The following ABCB1 variants were observed in gnomAD, a reference collection of about 807,000 sequenced individuals.
The protein encoded by ABCB1 is ATP binding cassette subfamily B member 1.
In ABCB1, 69 loss-of-function variants were observed where a neutral mutation model predicts 142.0. The ratio of observed to expected loss-of-function variants is 0.49; its 90% CI spans 0.40 to 0.59. The LOEUF is 0.59. ABCB1 is among the 20% of genes least tolerant of loss of function. The probability of loss-of-function intolerance (pLI) is 0.00; values close to 1 mark genes in which losing one functional copy is unlikely to be tolerated. For synonymous variants in ABCB1, 532 were observed against 539.2 expected, an observed-to-expected ratio of 0.99 and a Z score of 0.18; for missense variants, 1,326 against 1,554.7, an observed-to-expected ratio of 0.85 and a Z score of 2.47.
intron 9 of ABCB1, among the ~76,000 whole-genome samples, 166 bp downstream of exon 9, chr7:87,553,595 C>A (rs893011559): frequency 1.3e-5 from 2 of 152,124 alleles, no homozygotes; most frequent in African/African-American, 4.8e-5. Context: ...GCTGGGATTA[C>A]AGGTGTGAGC....
At chr7:87,563,390 A>G (rs1584883571) in intron 7 of ABCB1, 1 of 455,386 alleles carries the variant, frequency 2.2e-6, no homozygotes, top group South Asian at 1.6e-5. Context: ...ATCCTTGATG[A>G]ACAAATATGA....
At chr7:87,638,949 G>T (rs1434829270) in intron 1 of ABCB1, among the ~76,000 whole-genome samples, 1 of 152,004 alleles carries the variant, frequency 6.6e-6, no homozygotes, top group East Asian at 1.9e-4. Flanking sequence ...TCAGGAGATC[G>T]AGACTATCCT....
In ABCB1 at chr7:87,624,318, A is replaced by G. The variant is rs576502987; in HGVS notation, c.-330-23240T>C. On this transcript the variant is annotated intron_variant, in intron 1 of 28. Transcript: ENST00000265724. ...TCAATGTTTCTAGTTTCTTCTGTAC[A>G]GATGCTGGGTTTATGGCATATTTAA... is the stretch of plus-strand genomic sequence containing the variant. Among the ~76,000 whole-genome samples, 17 of 152,344 alleles carry G rather than the reference A, an allele frequency of 1.1e-4. No individual in the cohort carries two copies. The South Asian group carries it at 3.3e-3, about 30-fold the overall frequency.
At chr7:87,623,119 A>T (rs1389375626) in intron 1 of ABCB1, among the ~76,000 whole-genome samples, 1 of 152,284 alleles carries the variant, frequency 6.6e-6, no homozygotes, top group Non-Finnish European at 1.5e-5. Context: ...GCCATTTACT[A>T]TGTGACTTTC....
chr7:87,512,376 C>T (rs763641902), intron 25 of ABCB1, among the ~76,000 whole-genome samples: 18 of 152,030 alleles, frequency 1.2e-4, no homozygotes, highest in Non-Finnish European at 2.6e-4. Context: ...GCATCAGAAT[C>T]ACCTCGGAAT....
intron 1 of ABCB1, among the ~76,000 whole-genome samples, chr7:87,700,952 C>CTCAAGAAA (rs1290087350): frequency 6.6e-6 from 1 of 152,192 alleles, no homozygotes; most frequent in African/African-American, 2.4e-5. Context: ...TCTTCCCCAC[C>CTCAAGAAA]ATGCACTCAG....
At position 87,637,754 on chromosome 7, in the gene ABCB1, C is replaced by T. The variant is rs537678390; in HGVS notation, c.-330-36676G>A. Among the ~76,000 whole-genome samples the T allele has an allele frequency of 7.9e-5, 12 of 152,032 alleles. No individual in the cohort carries two copies. In the South Asian group the frequency reaches 2.5e-3, roughly 32 times the overall value. ...GATATAAATTTGACCTTTTAAAATA[C>T]TGGTCTTATATCTAACAGTCTTACC... is the stretch of plus-strand genomic sequence containing the variant. On this transcript the variant is annotated intron_variant, in intron 1 of 28. Coordinates refer to the ABCB1 transcript ENST00000265724.
chr7:87,652,304 TC>T (rs1403056042), intron 1 of ABCB1, among the ~76,000 whole-genome samples: 2 of 152,008 alleles, frequency 1.3e-5, no homozygotes, highest in African/African-American at 2.4e-5. Flanking sequence ...ATGTTGAGAC[TC>T]CCATGCCAAG....
chr7:87,521,570 A>C (rs370483465), intron 21 of ABCB1: 1 of 756,096 alleles, frequency 1.3e-6, no homozygotes, highest in Non-Finnish European at 2.4e-6. Flanking sequence ...CATTTTGAGC[A>C]ATGGGGAATG....
chr7:87,554,696 C>T (rs1039957457), intron 8 of ABCB1, among the ~76,000 whole-genome samples: 1 of 152,170 alleles, frequency 6.6e-6, no homozygotes, highest in Non-Finnish European at 1.5e-5. Context: ...ACTTGTCATG[C>T]CATAGCTGCC....
chr7:87,627,704 ACC>A (rs1820749973), intron 1 of ABCB1: 1 of 152,254 alleles, frequency 6.6e-6, no homozygotes, highest in Non-Finnish European at 1.5e-5. Context: ...GCCCAGCTGG[ACC>A]GAGGCCGCGT....
At chr7:87,710,521 A>C in intron 1 of ABCB1, 1 of 1,164,632 alleles carries the variant, frequency 8.6e-7, no homozygotes. Context: ...ACAGTGGCAA[A>C]ATATTTTTTT....
chr7:87,551,583 T>C (rs1817070429), intron 9 of ABCB1, among the ~76,000 whole-genome samples: 1 of 152,132 alleles, frequency 6.6e-6, no homozygotes, highest in Non-Finnish European at 1.5e-5. Flanking sequence ...CTTCAACCTC[T>C]GGGTTCAGAC....
chr7:87,607,933 A>G (rs1025542384), intron 1 of ABCB1, among the ~76,000 whole-genome samples: 4 of 152,218 alleles, frequency 2.6e-5, no homozygotes, highest in African/African-American at 9.6e-5. Context: ...TTGTTTTTAC[A>G]AACAGACTGA....
At chr7:87,549,572 T>C in intron 13 of ABCB1, 54 bp from the exon 14 acceptor site, 1 of 1,613,248 alleles carries the variant, frequency 6.2e-7, no homozygotes, top group Non-Finnish European at 8.5e-7. Context: ...TCTCAGCTCA[T>C]ATTTTAAATT....
intron 1 of ABCB1, among the ~76,000 whole-genome samples, chr7:87,670,213 A>C (rs576631896): frequency 3.9e-5 from 6 of 152,270 alleles, no homozygotes; most frequent in Non-Finnish European, 5.9e-5. Flanking sequence ...CTTATTTCAG[A>C]GAACCAGTCT....
intron 1 of ABCB1, among the ~76,000 whole-genome samples, chr7:87,607,707 T>C (rs909276078): frequency 2.6e-5 from 4 of 151,378 alleles, no homozygotes; most frequent in African/African-American, 9.8e-5. Flanking sequence ...GTGCGCCACC[T>C]TGCCTGGCTA....
At chr7:87,700,677 CCTGTT>C in intron 1 of ABCB1, 2 of 850,482 alleles carry the variant, frequency 2.4e-6, no homozygotes, top group Non-Finnish European at 3.6e-6. Flanking sequence ...TAAAATACGT[CCTGTT>C]CTGTGATGTT....
chr7:87,656,586 A>G (rs1278620579), intron 1 of ABCB1, among the ~76,000 whole-genome samples: 8 of 152,124 alleles, frequency 5.3e-5, no homozygotes, highest in Non-Finnish European at 1.2e-4. Context: ...AAGGGGGAGG[A>G]GGAAAATAGA....
Sources: allele counts gnomAD v4.1 joint callset (sites outside exome capture counted in the v4.1 genomes callset), GRCh38; gene constraint gnomAD v4.1.1; transcripts MANE v1.5; gene names NCBI Gene and HGNC (gene_info 2026-07-23, HGNC 2026-07-21).